Variants in SGCG observed in about 807,000 individuals in gnomAD.
SGCG encodes the protein sarcoglycan gamma.
Under a neutral mutation model 29.3 loss-of-function variants are expected in SGCG, and 26 were observed. The observed-to-expected ratio is 0.89, with a 90% CI of 0.65 to 1.23. The LOEUF (loss-of-function observed/expected upper bound fraction) is 1.23. Among genes scored for constraint, SGCG ranks in the 50% most tolerant of loss-of-function variants. The probability of loss-of-function intolerance (pLI) is 0.00; values close to 1 mark genes in which losing one functional copy is unlikely to be tolerated. For synonymous variants in SGCG, 145 were observed against 129.7 expected, an observed-to-expected ratio of 1.12 and a Z score of -0.80; for missense variants, 353 against 356.0, an observed-to-expected ratio of 0.99 and a Z score of 0.07.
intron 6 of SGCG, among the ~76,000 whole-genome samples, chr13:23,302,838 T>C (rs1226476738): frequency 6.6e-6 from 1 of 152,154 alleles, no homozygotes; most frequent in Non-Finnish European, 1.5e-5. Context: ...ATCTTTCCTG[T>C]TTTTTAAGTA....
At chr13:23,204,915 A>G (rs958184062) in intron 2 of SGCG, among the ~76,000 whole-genome samples, 2 of 151,886 alleles carry the variant, frequency 1.3e-5, no homozygotes, top group African/African-American at 4.8e-5. Flanking sequence ...TAGCCAGTAG[A>G]TACATTATTT....
chr13:23,312,190 A>G (rs1430742067), intron 6 of SGCG, among the ~76,000 whole-genome samples: 1 of 152,212 alleles, frequency 6.6e-6, no homozygotes, highest in Non-Finnish European at 1.5e-5. Flanking sequence ...CTTTCTAAGA[A>G]CCTACCAAAG....
At chr13:23,237,260 T>G (rs1879349344) in intron 3 of SGCG, among the ~76,000 whole-genome samples, 1 of 152,184 alleles carries the variant, frequency 6.6e-6, no homozygotes, top group Non-Finnish European at 1.5e-5. Context: ...TTCAAACACA[T>G]AACAATTATT....
chr13:23,162,177 G>A, the SGCG span, among the ~76,000 whole-genome samples: 4 of 152,092 alleles, frequency 2.6e-5, no homozygotes, highest in African/African-American at 9.7e-5. Flanking sequence ...TATAAATTGT[G>A]GGTTGGTAAT....
At chr13:23,271,268 A>G (rs1880867209) in intron 4 of SGCG, among the ~76,000 whole-genome samples, 1 of 152,232 alleles carries the variant, frequency 6.6e-6, no homozygotes, top group East Asian at 1.9e-4. Context: ...ATCATATACT[A>G]GATTTCCATG....
the SGCG span, among the ~76,000 whole-genome samples, chr13:23,163,421 T>A: frequency 4.6e-5 from 7 of 152,220 alleles, no homozygotes; most frequent in Non-Finnish European, 7.3e-5. Context: ...GAAAAATGTC[T>A]GGACCTAATA....
the SGCG span, among the ~76,000 whole-genome samples, chr13:23,160,605 G>A: frequency 2.0e-5 from 3 of 152,146 alleles, no homozygotes; most frequent in Non-Finnish European, 4.4e-5. Flanking sequence ...GAAGGGAAAT[G>A]CAGCGGCTGT....
At chr13:23,191,834 C>A (rs1481811660) in intron 1 of SGCG, among the ~76,000 whole-genome samples, 1 of 152,116 alleles carries the variant, frequency 6.6e-6, no homozygotes, top group African/African-American at 2.4e-5. Flanking sequence ...ACAGTGCTTA[C>A]GGATTAACAT....
chr13:23,269,819 A>G (rs1170826322), intron 4 of SGCG, among the ~76,000 whole-genome samples: 1 of 151,510 alleles, frequency 6.6e-6, no homozygotes, highest in Non-Finnish European at 1.5e-5. Context: ...ACAAAGAGTA[A>G]CAATTGCATA....
At chr13:23,274,639 G>C (rs1354085602) in intron 4 of SGCG, among the ~76,000 whole-genome samples, 1 of 151,984 alleles carries the variant, frequency 6.6e-6, no homozygotes, top group Non-Finnish European at 1.5e-5. Flanking sequence ...AGCCAGGATG[G>C]TCTCGATCTC....
chr13:23,302,903 A>AT (rs1459362192), intron 6 of SGCG, among the ~76,000 whole-genome samples: 2 of 152,150 alleles, frequency 1.3e-5, no homozygotes, highest in African/African-American at 4.8e-5. Context: ...AAAAAGTTTT[A>AT]TTTTTTAAAA....
intron 5 of SGCG, among the ~76,000 whole-genome samples, chr13:23,286,318 A>G (rs1881494533): frequency 1.3e-5 from 2 of 152,228 alleles, no homozygotes; most frequent in African/African-American, 2.4e-5. Flanking sequence ...GTCAGAAATG[A>G]TGAGAAATAC....
chr13:23,168,764 A>G, the SGCG span, among the ~76,000 whole-genome samples: 64 of 152,298 alleles, frequency 4.2e-4, no homozygotes, highest in African/African-American at 1.5e-3. Context: ...CATTGATAAC[A>G]ATTATCTAAA....
the SGCG span, chr13:23,170,662 A>G: frequency 1.3e-5 from 2 of 152,260 alleles, no homozygotes; most frequent in African/African-American, 2.4e-5. Context: ...ATGACACAGC[A>G]TGTCTGTTAT....
intron 6 of SGCG, among the ~76,000 whole-genome samples, chr13:23,307,960 C>G (rs576300101): frequency 1.3e-5 from 2 of 152,070 alleles, no homozygotes; most frequent in African/African-American, 4.8e-5. Context: ...AAATAAAAAC[C>G]CACATATGGG....
intron 6 of SGCG, among the ~76,000 whole-genome samples, chr13:23,309,305 C>A (rs1322608257): frequency 6.6e-6 from 1 of 152,008 alleles, no homozygotes; most frequent in Non-Finnish European, 1.5e-5. Context: ...TCCAGGCTGG[C>A]CTTGAACTCC....
At chr13:23,249,284 G>T (rs1879866497) in intron 3 of SGCG, among the ~76,000 whole-genome samples, 1 of 152,086 alleles carries the variant, frequency 6.6e-6, no homozygotes. Context: ...ACTCTTAGTG[G>T]TCCCTGGGAT....
intron 6 of SGCG, among the ~76,000 whole-genome samples, 172 bp downstream of exon 6, chr13:23,295,659 G>A (rs1881878326): frequency 6.6e-6 from 1 of 152,154 alleles, no homozygotes; most frequent in South Asian, 2.1e-4. Context: ...TCCAAAGGAG[G>A]TCAAAAAGTC....
chr13:23,192,381 T>A (rs1424907160), intron 1 of SGCG, among the ~76,000 whole-genome samples: 4 of 152,150 alleles, frequency 2.6e-5, no homozygotes, highest in East Asian at 3.9e-4. Context: ...TATTTTGTTT[T>A]GTTTTATTTT....
Sources: allele counts gnomAD v4.1 joint callset (sites outside exome capture counted in the v4.1 genomes callset), GRCh38; gene constraint gnomAD v4.1.1; transcripts MANE v1.5; gene names NCBI Gene and HGNC (gene_info 2026-07-23, HGNC 2026-07-21).